Variants in COPZ1 observed in about 807,000 individuals in gnomAD.
COPZ1 encodes the protein coatomer subunit zeta-1.
COPZ1 carries 4 observed loss-of-function variants against 31.7 expected under a neutral mutation model. The ratio of observed to expected loss-of-function variants is 0.13; its 90% confidence interval spans 0.06 to 0.29. COPZ1 has a LOEUF of 0.29. Among genes scored for constraint, COPZ1 ranks in the 10% least tolerant of loss-of-function variants. The pLI is 1.00. For synonymous variants in COPZ1, 74 were observed against 79.0 expected (o/e 0.94, Z 0.33); for missense variants, 156 against 211.5 (o/e 0.74, Z 1.63).
chr12:54,347,739 A>ATTCTC (rs772531578), intron 5 of COPZ1, 28 bp from the exon 6 acceptor site: 11 of 1,600,464 alleles, frequency 6.9e-6, no homozygotes, highest in East Asian at 4.5e-5. Flanking sequence ...CAAGTTGGTT[A>ATTCTC]TTCTCTTCTC....
At chr12:54,331,717 C>A (rs940272359) in intron 1 of COPZ1, among the ~76,000 whole-genome samples, 5 of 151,928 alleles carry the variant, frequency 3.3e-5, no homozygotes, top group African/African-American at 1.2e-4. Context: ...GGAGCAAAAG[C>A]AGGGAGATGT....
chr12:54,330,937 G>A (rs1042016060), intron 1 of COPZ1, among the ~76,000 whole-genome samples: 15 of 152,280 alleles, frequency 9.9e-5, no homozygotes, highest in African/African-American at 3.4e-4. Context: ...CTTGTAAGAT[G>A]CTTGTGCTGG....
intron 1 of COPZ1, among the ~76,000 whole-genome samples, chr12:54,334,532 T>C (rs1313360473): frequency 6.6e-6 from 1 of 151,896 alleles, no homozygotes; most frequent in South Asian, 2.1e-4. Context: ...TTGGAGCCCT[T>C]AACCCCAGAG....
chr12:54,349,694 G>A, intron 8 of COPZ1, 36 bp downstream of exon 8: 1 of 1,552,462 alleles, frequency 6.4e-7, no homozygotes, highest in Non-Finnish European at 8.9e-7. Context: ...AGATGGACTG[G>A]GTCACTAAAG....
At chr12:54,336,242 GAC>G (rs945324448) in intron 1 of COPZ1, among the ~76,000 whole-genome samples, 3 of 152,164 alleles carry the variant, frequency 2.0e-5, no homozygotes, top group Non-Finnish European at 4.4e-5. Context: ...TGTCCTACAA[GAC>G]ACACAAATAG....
intron 1 of COPZ1, among the ~76,000 whole-genome samples, chr12:54,328,457 T>G (rs1478357050): frequency 6.6e-6 from 1 of 151,414 alleles, no homozygotes; most frequent in Non-Finnish European, 1.5e-5. Flanking sequence ...TCCCAGCTAC[T>G]CAGGAAGCTG....
Position 54,345,491 on chromosome 12 carries a change from T to TCA in COPZ1, c.294_295insAC (p.Asp99ThrfsTer4). 1 of 1,613,910 alleles carries TCA rather than the reference T, an allele frequency of 6.2e-7. No homozygotes were observed. Among genetic ancestry groups the TCA allele is most frequent in the Non-Finnish European group, 8.5e-7 (1 of 1,179,820 alleles). ...CTTATGGCTGTTCTGAACTGTCTCT[T>TCA]CGACTCATTGAGCCAGATGCTGAGG... On this transcript the variant is annotated frameshift_variant, in exon 5 of 9. Coordinates refer to ENST00000262061, the MANE Select transcript of COPZ1 (RefSeq NM_016057.3). LOFTEE classifies it high-confidence loss of function.
Position 54,350,176 on chromosome 12 carries a change from C to G in COPZ1, c.487-300C>G, listed in dbSNP as rs751683997. 8.1e-4 allele frequency: 549 copies of G among 681,008 alleles called. 2 individuals carry two copies. The highest frequency in any genetic ancestry group is 1.3e-3 in the Non-Finnish European group (499 of 376,124). The allele number at this position is 681,008 out of a possible 1,614,324, so 42.2% of individuals were successfully genotyped here. Reference sequence around the variant, plus strand: ...CCAAGAAGTCCATCTGGATTTGTTACCCGCCCCCTGCCCGCCGCCCCTTTT... The same window carrying G: ...CCAAGAAGTCCATCTGGATTTGTTAGCCGCCCCCTGCCCGCCGCCCCTTTT... On this transcript the variant is annotated intron_variant, in intron 8 of 8. Coordinates refer to ENST00000262061, the MANE Select transcript of COPZ1 (RefSeq NM_016057.3).
chr12:54,329,327 C>T (rs1049765740), intron 1 of COPZ1, among the ~76,000 whole-genome samples: 3 of 152,218 alleles, frequency 2.0e-5, no homozygotes, highest in Non-Finnish European at 2.9e-5. Flanking sequence ...GGGCCGGGCT[C>T]GGTGGCTCAC....
intron 1 of COPZ1, among the ~76,000 whole-genome samples, chr12:54,335,699 TCTCA>T (rs1953849664): frequency 6.6e-6 from 1 of 151,594 alleles, no homozygotes; most frequent in Admixed American, 6.6e-5. Context: ...TTTGAGGCGG[TCTCA>T]CTCTTTTGTG....
intron 1 of COPZ1, among the ~76,000 whole-genome samples, chr12:54,333,398 T>G (rs1001467912): frequency 6.6e-6 from 1 of 152,158 alleles, no homozygotes; most frequent in Non-Finnish European, 1.5e-5. Flanking sequence ...ATAAGGTCCA[T>G]AGATGTAATT....
intron 1 of COPZ1, among the ~76,000 whole-genome samples, chr12:54,335,056 C>A (rs573814683): frequency 3.3e-4 from 50 of 152,082 alleles, no homozygotes; most frequent in African/African-American, 1.2e-3. Flanking sequence ...CACCTGTAAT[C>A]CCAGCTACTG....
chr12:54,328,600 A>T (rs932030893), intron 1 of COPZ1, among the ~76,000 whole-genome samples: 1 of 152,050 alleles, frequency 6.6e-6, no homozygotes, highest in Non-Finnish European at 1.5e-5. Context: ...TCTCTGTCAC[A>T]TTTCTCTTCC....
At chr12:54,347,898 T>C in intron 6 of COPZ1, 54 bp downstream of exon 6, 1 of 1,605,080 alleles carries the variant, frequency 6.2e-7, no homozygotes, top group Non-Finnish European at 8.5e-7. Flanking sequence ...TAACTGCCCC[T>C]GTCCTAAGTC....
At chr12:54,332,006 G>A (rs181488285) in intron 1 of COPZ1, among the ~76,000 whole-genome samples, 12 of 152,296 alleles carry the variant, frequency 7.9e-5, no homozygotes, top group African/African-American at 2.9e-4. Flanking sequence ...TGAAGAATTA[G>A]GGACTATGTG....
chr12:54,349,820 C>T (rs1954117673), intron 8 of COPZ1, 162 bp downstream of exon 8: 1 of 721,956 alleles, frequency 1.4e-6, no homozygotes, highest in South Asian at 1.5e-5. Context: ...CAGCCAGCCA[C>T]TCCCTACCCC....
At chr12:54,349,533 T>A in intron 7 of COPZ1, 87 bp from the exon 8 acceptor site, 1 of 1,047,666 alleles carries the variant, frequency 9.5e-7, no homozygotes, top group Middle Eastern at 2.0e-4. Flanking sequence ...GTTTAAAGGA[T>A]CACTTTTTTC....
rs1014703839 is a variant in COPZ1 at position 54,332,194 on chromosome 12, C to A, written c.18+7013C>A. On this transcript the variant is annotated intron_variant, in intron 1 of 8. Transcript: ENST00000262061. Reference sequence around the variant, plus strand: ...AAAATTAGCCGGTCATGGTGTCACGCGCCTGTAATCCCAGCTACTCAGGAG... The same window carrying A: ...AAAATTAGCCGGTCATGGTGTCACGAGCCTGTAATCCCAGCTACTCAGGAG... Among the ~76,000 whole-genome samples, 5 of 151,970 alleles carry A rather than the reference C, an allele frequency of 3.3e-5. 1 individual carries two copies. Among genetic ancestry groups the A allele is most frequent in the Admixed American group, 6.6e-5 (1 of 15,244 alleles).
chr12:54,349,853 T>C, intron 8 of COPZ1, 195 bp downstream of exon 8: 1 of 663,586 alleles, frequency 1.5e-6, no homozygotes, highest in Non-Finnish European at 2.7e-6. Flanking sequence ...CTTTCTCAGT[T>C]ACCTGTGAGC....
Sources: gnomAD v4.1 joint callset for allele counts (sites outside exome capture counted in the v4.1 genomes callset) on GRCh38, gnomAD v4.1.1 for gene constraint, MANE v1.5 for transcripts, NCBI Gene and HGNC (gene_info 2026-07-23, HGNC 2026-07-21) for gene names.